Variants in BFSP2 observed in about 807,000 individuals in gnomAD.
The protein encoded by BFSP2 is phakinin.
BFSP2 carries 38 observed loss-of-function variants against 44.9 expected under a neutral mutation model. That is an observed-to-expected ratio of 0.85 (90% CI 0.65 to 1.11). The LOEUF (loss-of-function observed/expected upper bound fraction) is 1.11. Among genes scored for constraint, BFSP2 ranks in the 50% least tolerant of loss-of-function variants. The pLI, the probability that BFSP2 is intolerant of heterozygous loss-of-function variation, is 0.00. For synonymous variants in BFSP2, 197 were observed against 209.9 expected (o/e 0.94, Z 0.53); for missense variants, 525 against 533.0 (o/e 0.99, Z 0.15).
chr3:133,410,487 A>G (rs923282643), intron 1 of BFSP2: 2 of 279,272 alleles, frequency 7.2e-6, no homozygotes, highest in Non-Finnish European at 1.5e-5. Context: ...CAGTCATTCC[A>G]GCTCTCATGG....
intron 4 of BFSP2, among the ~76,000 whole-genome samples, chr3:133,463,524 G>A (rs2074082777): frequency 1.3e-5 from 2 of 152,230 alleles, no homozygotes; most frequent in Non-Finnish European, 2.9e-5. Flanking sequence ...TAGCACTTCG[G>A]AGGGGAGCAT....
chr3:133,441,980 G>C (rs2073849516), intron 1 of BFSP2, among the ~76,000 whole-genome samples: 1 of 152,142 alleles, frequency 6.6e-6, no homozygotes. Context: ...AGCAGGAGAG[G>C]GACTGGTATG....
chr3:133,426,855 C>CAG (rs1479070447), intron 1 of BFSP2, among the ~76,000 whole-genome samples: 1 of 152,168 alleles, frequency 6.6e-6, no homozygotes, highest in Non-Finnish European at 1.5e-5. Flanking sequence ...AAGTACAGGG[C>CAG]AGAGAGAGAG....
At chr3:133,474,668 G>A (rs1254313624) in intron 6 of BFSP2, among the ~76,000 whole-genome samples, 1 of 152,134 alleles carries the variant, frequency 6.6e-6, no homozygotes, top group Non-Finnish European at 1.5e-5. Context: ...TATGTGCTAC[G>A]TTCATTTAGT....
Position 133,422,031 on chromosome 3 carries a change from C to T in BFSP2, c.489+21459C>T, listed in dbSNP as rs181192881. ...CTGAGGCAGGAAAATTGCTTGAAAC[C>T]GGGAGGCAGAGGTTGCAGTGAGCCA... On this transcript the variant is annotated intron_variant, in intron 1 of 6. Transcript: ENST00000302334. 2.1e-4 allele frequency among the ~76,000 whole-genome samples: 30 copies of T among 140,232 alleles called. No homozygotes were observed. The East Asian group carries it at 3.6e-3, about 17-fold the overall frequency. 92.0% of individuals were successfully genotyped at this position (140,232 alleles called of 152,430 possible). A position where few individuals can be genotyped will look rare whatever the true frequency, so the allele number is the denominator to read the frequency against.
At chr3:133,474,558 T>A (rs960305301) in intron 6 of BFSP2, among the ~76,000 whole-genome samples, 2 of 151,696 alleles carry the variant, frequency 1.3e-5, no homozygotes, top group South Asian at 2.1e-4. Flanking sequence ...TAACAAAGTA[T>A]TTTTTTTTCA....
At chr3:133,413,205 T>C (rs1445101384) in intron 1 of BFSP2, among the ~76,000 whole-genome samples, 1 of 152,046 alleles carries the variant, frequency 6.6e-6, no homozygotes, top group African/African-American at 2.4e-5. Context: ...GTCCTGTCAG[T>C]GGCTTTTGGG....
chr3:133,406,400 C>T (rs955355854), intron 1 of BFSP2, among the ~76,000 whole-genome samples: 3 of 152,214 alleles, frequency 2.0e-5, no homozygotes, highest in East Asian at 1.9e-4. Context: ...ACACCACACT[C>T]GGCCACTCTT....
intron 1 of BFSP2, among the ~76,000 whole-genome samples, chr3:133,424,859 T>G (rs555759461): frequency 6.6e-6 from 1 of 152,118 alleles, no homozygotes; most frequent in Admixed American, 6.5e-5. Context: ...GGTCTCAAAC[T>G]CCTAACCTCA....
intron 1 of BFSP2, among the ~76,000 whole-genome samples, chr3:133,428,617 C>T (rs532640738): frequency 6.6e-6 from 1 of 152,346 alleles, no homozygotes; most frequent in East Asian, 1.9e-4. Flanking sequence ...ACTTAGATTC[C>T]TCTGATGTTG....
chr3:133,433,478 G>A (rs537383246), intron 1 of BFSP2, among the ~76,000 whole-genome samples: 28 of 152,104 alleles, frequency 1.8e-4, no homozygotes, highest in Admixed American at 6.5e-5. Context: ...CATCAAGCTC[G>A]AGGATTTGCC....
Position 133,475,034 on chromosome 3 carries a change from T to A in BFSP2, c.*62T>A. On this transcript the variant is annotated 3_prime_UTR_variant, in exon 7 of 7. Coordinates refer to ENST00000302334, the MANE Select transcript of BFSP2 (RefSeq NM_003571.4). ...TTCCTCAACAGCTGACCCAAGAAGT[T>A]GCTTGAGGAGCTTTCTCCTGAGCTC... The A allele has an allele frequency of 6.2e-7, 1 of 1,602,748 alleles. No individual in the cohort carries two copies. The highest frequency in any genetic ancestry group is 2.2e-5 in the East Asian group (1 of 44,818).
intron 1 of BFSP2, among the ~76,000 whole-genome samples, chr3:133,435,005 G>A (rs749897060): frequency 5.3e-5 from 8 of 152,172 alleles, no homozygotes; most frequent in Non-Finnish European, 1.5e-5. Context: ...AGGGCCTTGG[G>A]AATTTAGCAA....
chr3:133,413,537 C>T (rs1258820096), intron 1 of BFSP2, among the ~76,000 whole-genome samples: 1 of 152,022 alleles, frequency 6.6e-6, no homozygotes, highest in Non-Finnish European at 1.5e-5. Context: ...TACTCAGGGT[C>T]CCCAGCGCTC....
chr3:133,445,004 G>A (rs148507198), intron 1 of BFSP2, among the ~76,000 whole-genome samples: 1 of 152,252 alleles, frequency 6.6e-6, no homozygotes, highest in Non-Finnish European at 1.5e-5. Context: ...TCCCTCTATG[G>A]TCTGGTCTTG....
At chr3:133,468,080 T>C (rs192012428) in intron 5 of BFSP2, among the ~76,000 whole-genome samples, 6 of 152,336 alleles carry the variant, frequency 3.9e-5, no homozygotes, top group Admixed American at 3.9e-4. Context: ...ATGAGCATGC[T>C]CTTCTGACTC....
At chr3:133,445,579 T>C (rs942359504) in intron 1 of BFSP2, 1 of 152,190 alleles carries the variant, frequency 6.6e-6, no homozygotes, top group African/African-American at 2.4e-5. Flanking sequence ...CAACCAACTG[T>C]AGATCAAAAT....
chr3:133,475,006 C>G lies in BFSP2; in HGVS notation c.*34C>G. ...CTTCCTCTTTTTCATGAAGAAAACA[C>G]CCTTCCTCAACAGCTGACCCAAGAA... is the stretch of plus-strand genomic sequence containing the variant. On this transcript the variant is annotated 3_prime_UTR_variant, in exon 7 of 7. Coordinates refer to ENST00000302334, the MANE Select transcript of BFSP2 (RefSeq NM_003571.4). 1 of 1,613,470 alleles carries G rather than the reference C, an allele frequency of 6.2e-7. No individual in the cohort carries two copies. Among genetic ancestry groups the G allele is most frequent in the Non-Finnish European group, 8.5e-7 (1 of 1,179,396 alleles).
chr3:133,434,307 C>A (rs905089250), intron 1 of BFSP2, among the ~76,000 whole-genome samples: 4 of 152,066 alleles, frequency 2.6e-5, no homozygotes, highest in Non-Finnish European at 5.9e-5. Flanking sequence ...TAATTCTACA[C>A]GACAAATGTT....
Sources: allele counts gnomAD v4.1 joint callset (sites outside exome capture counted in the v4.1 genomes callset), GRCh38; gene constraint gnomAD v4.1.1; transcripts MANE v1.5; gene names NCBI Gene and HGNC (gene_info 2026-07-23, HGNC 2026-07-21).